The following WWP2 variants were observed in gnomAD, a reference collection of about 807,000 sequenced individuals.
WWP2 encodes the protein WW domain containing E3 ubiquitin protein ligase 2.
Under a neutral mutation model 121.0 loss-of-function variants are expected in WWP2, and 57 were observed. That is an observed-to-expected ratio of 0.47 (90% CI 0.38 to 0.59). The LOEUF is 0.59. Among genes scored for constraint, WWP2 ranks in the 20% least tolerant of loss-of-function variants. WWP2 has a pLI of 0.00. For synonymous variants in WWP2, 449 were observed against 441.3 expected (o/e 1.02, Z -0.22); for missense variants, 962 against 1,158.9 (o/e 0.83, Z 2.47).
intron 1 of WWP2, among the ~76,000 whole-genome samples, chr16:69,778,388 G>A (rs1264540521): frequency 6.6e-6 from 1 of 151,912 alleles, no homozygotes; most frequent in Admixed American, 6.6e-5. Context: ...CTCACTCAGA[G>A]TTTTGGAGTG....
chr16:69,798,931 CT>C, intron 3 of WWP2, 102 bp downstream of exon 3: 1 of 1,504,298 alleles, frequency 6.6e-7, no homozygotes, highest in Non-Finnish European at 8.9e-7. Context: ...GCACCTCCGA[CT>C]TTTTCTACCT....
intron 5 of WWP2, among the ~76,000 whole-genome samples, chr16:69,840,841 T>C (rs2056964614): frequency 6.6e-6 from 1 of 152,246 alleles, no homozygotes; most frequent in African/African-American, 2.4e-5. Flanking sequence ...TTCTCCATAA[T>C]TTTTCTCATT....
At chr16:69,849,911 G>C (rs79696706) in intron 6 of WWP2, among the ~76,000 whole-genome samples, 3 of 152,004 alleles carry the variant, frequency 2.0e-5, no homozygotes, top group Non-Finnish European at 4.4e-5. Flanking sequence ...TTTATTTATT[G>C]CATAGATATT....
intron 6 of WWP2, among the ~76,000 whole-genome samples, chr16:69,863,565 G>C (rs925334891): frequency 1.2e-4 from 18 of 152,218 alleles, no homozygotes; most frequent in South Asian, 4.2e-4. Context: ...CTTGAACCTG[G>C]TGGGGGCAGA....
chr16:69,903,214 T>C (rs1036901202), intron 8 of WWP2, among the ~76,000 whole-genome samples: 7 of 152,180 alleles, frequency 4.6e-5, no homozygotes, highest in African/African-American at 1.7e-4. Flanking sequence ...TCTGGGCCTG[T>C]GTCCTCTGAA....
chr16:69,873,662 T>C (rs1012727175), intron 7 of WWP2, among the ~76,000 whole-genome samples: 4 of 152,210 alleles, frequency 2.6e-5, no homozygotes, highest in Non-Finnish European at 5.9e-5. Context: ...CATTTTTCTC[T>C]TAGAAAACTC....
intron 9 of WWP2, among the ~76,000 whole-genome samples, chr16:69,910,920 G>A (rs1315427451): frequency 6.6e-6 from 1 of 152,186 alleles, no homozygotes; most frequent in Non-Finnish European, 1.5e-5. Context: ...TGGCTCACCT[G>A]TACGCCCTGC....
At chr16:69,810,630 A>G (rs2056372905) in intron 4 of WWP2, among the ~76,000 whole-genome samples, 1 of 151,182 alleles carries the variant, frequency 6.6e-6, no homozygotes, top group South Asian at 2.1e-4. Flanking sequence ...ATGGGGTTTC[A>G]CTGTGTTAGC....
At chr16:69,789,922 G>A (rs1303300175) in intron 2 of WWP2, among the ~76,000 whole-genome samples, 1 of 152,226 alleles carries the variant, frequency 6.6e-6, no homozygotes, top group Non-Finnish European at 1.5e-5. Flanking sequence ...ATAGCCTGCT[G>A]TTGACTGAAA....
chr16:69,809,002 C>A (rs142937445), intron 4 of WWP2, among the ~76,000 whole-genome samples: 2 of 152,234 alleles, frequency 1.3e-5, no homozygotes, highest in East Asian at 1.9e-4. Flanking sequence ...GTGCTCTGAT[C>A]GTTTGTAATT....
intron 4 of WWP2, among the ~76,000 whole-genome samples, chr16:69,829,587 C>T (rs1363667230): frequency 6.6e-6 from 1 of 152,194 alleles, no homozygotes; most frequent in African/African-American, 2.4e-5. Context: ...CCCTACCCTG[C>T]TAGCTGTCTT....
rs1400739163 is a variant in WWP2 at position 69,763,667 on chromosome 16, A to G, written c.-16+1276A>G. Among the ~76,000 whole-genome samples, 3 of 152,196 alleles carry G rather than the reference A, an allele frequency of 2.0e-5. No homozygotes were observed. The East Asian group carries it at 5.8e-4, about 29-fold the overall frequency. ...AAACAGACTTACGAGAGACGACTTGATTTTTTAAAACAATTTATTGCTCTT... is the reference window on the plus strand; with the variant it reads ...AAACAGACTTACGAGAGACGACTTGGTTTTTTAAAACAATTTATTGCTCTT... On this transcript the variant is annotated intron_variant, in intron 1 of 23. Coordinates refer to ENST00000359154, the MANE Select transcript of WWP2 (RefSeq NM_001270454.2).
chr16:69,837,751 C>G (rs566155722), intron 4 of WWP2, among the ~76,000 whole-genome samples: 2 of 152,244 alleles, frequency 1.3e-5, no homozygotes, highest in East Asian at 3.9e-4. Context: ...AGCACGCTTC[C>G]AATAGCGGTG....
chr16:69,832,573 A>C (rs1424350759), intron 4 of WWP2, among the ~76,000 whole-genome samples: 1 of 152,128 alleles, frequency 6.6e-6, no homozygotes. Context: ...ACAGAGTCTC[A>C]CTCCATCACT....
At chr16:69,833,249 T>A (rs1024080107) in intron 4 of WWP2, among the ~76,000 whole-genome samples, 1 of 152,214 alleles carries the variant, frequency 6.6e-6, no homozygotes, top group Non-Finnish European at 1.5e-5. Flanking sequence ...TCCTCCCTCT[T>A]TTTACTCCTT....
At chr16:69,938,884 T>G in intron 21 of WWP2, 143 bp from the exon 22 acceptor site, 2 of 667,912 alleles carry the variant, frequency 3.0e-6, no homozygotes, top group South Asian at 1.8e-5. Flanking sequence ...GTTTCTCAGG[T>G]TGGAGGCTGT....
Position 69,937,015 on chromosome 16 carries a change from G to C in WWP2, c.2118-103G>C. On this transcript the variant is annotated intron_variant, in intron 19 of 23. Coordinates refer to ENST00000359154, the MANE Select transcript of WWP2 (RefSeq NM_001270454.2). The surrounding 1 kb of genome is among the most constrained non-coding windows in gnomAD (Gnocchi z 6.6). ...GGTCTGGGTGTGCGAAGTGGGCTCT[G>C]CTGATCTGGTGGTCCTGCGCGGTAA... The C allele has an allele frequency of 6.8e-7, 1 of 1,471,496 alleles. No individual in the cohort carries two copies. The highest frequency in any genetic ancestry group is 9.1e-7 in the Non-Finnish European group (1 of 1,101,992). The allele number at this position is 1,471,496 out of a possible 1,614,324, so 91.2% of individuals were successfully genotyped here. A position where few individuals can be genotyped will look rare whatever the true frequency, so the allele number is the denominator to read the frequency against.
intron 8 of WWP2, among the ~76,000 whole-genome samples, chr16:69,905,950 G>A (rs1177579171): frequency 6.6e-6 from 1 of 152,172 alleles, no homozygotes; most frequent in Non-Finnish European, 1.5e-5. Flanking sequence ...ATGAAGGCAA[G>A]GATTGCATAC....
intron 6 of WWP2, among the ~76,000 whole-genome samples, chr16:69,846,590 G>A (rs1033010245): frequency 6.6e-5 from 10 of 151,986 alleles, no homozygotes; most frequent in Admixed American, 2.0e-4. Flanking sequence ...GCATGGTGGC[G>A]TGCACCTGTA....
Sources: allele counts gnomAD v4.1 joint callset (sites outside exome capture counted in the v4.1 genomes callset), GRCh38; gene constraint gnomAD v4.1.1; non-coding constraint Gnocchi (gnomAD v3.1); transcripts MANE v1.5; gene names NCBI Gene and HGNC (gene_info 2026-07-23, HGNC 2026-07-21).